Variants in PHYKPL observed in about 807,000 individuals in gnomAD.
PHYKPL encodes the protein 5-phosphohydroxy-L-lysine phospho-lyase.
PHYKPL carries 42 observed loss-of-function variants against 51.3 expected under a neutral mutation model. The ratio of observed to expected loss-of-function variants is 0.82; its 90% CI spans 0.64 to 1.06. The LOEUF (loss-of-function observed/expected upper bound fraction) is 1.06. Ranked by LOEUF, PHYKPL falls within the 50% of genes least tolerant of loss-of-function variation. The pLI is 0.00. For missense variants in PHYKPL, 655 were observed against 586.6 expected, an observed-to-expected ratio of 1.12 and a Z score of -1.20; for synonymous variants, 264 against 236.0, an observed-to-expected ratio of 1.12 and a Z score of -1.09.
chr5:178,210,896 TGCTGCC>T (rs2113649767), intron 12 of PHYKPL: 1 of 509,040 alleles, frequency 2.0e-6, no homozygotes, highest in Admixed American at 3.6e-5. Context: ...CTCTGCTTCC[TGCTGCC>T]GCTCTGCAGC....
intron 6 of PHYKPL, chr5:178,223,490 G>A: frequency 2.2e-6 from 1 of 456,262 alleles, no homozygotes; most frequent in Non-Finnish European, 4.4e-6. Flanking sequence ...TTCTGCATAT[G>A]GCAATGATTT....
At chr5:178,209,475 C>G (rs75426247) in intron 12 of PHYKPL, 8 of 1,578,230 alleles carry the variant, frequency 5.1e-6, no homozygotes, top group Non-Finnish European at 5.2e-6. Flanking sequence ...GAAGATAGGT[C>G]CTGTTTCCCT....
intron 9 of PHYKPL, 54 bp from the exon 10 acceptor site, chr5:178,214,939 C>G: frequency 6.4e-7 from 1 of 1,550,458 alleles, no homozygotes; most frequent in Non-Finnish European, 8.9e-7. Context: ...GGCCAGGGTG[C>G]TGGCCTCAGC....
intron 3 of PHYKPL, among the ~76,000 whole-genome samples, chr5:178,228,866 TA>T (rs1456390753): frequency 6.6e-6 from 1 of 152,196 alleles, no homozygotes; most frequent in Non-Finnish European, 1.5e-5. Flanking sequence ...GTTTCCTGAT[TA>T]AAGCCTCCGA....
intron 12 of PHYKPL, chr5:178,210,700 T>G (rs770486669): frequency 8.5e-7 from 1 of 1,180,366 alleles, no homozygotes; most frequent in South Asian, 1.2e-5. Context: ...TGTACCAAAT[T>G]TAACTTGGCA....
chr5:178,216,102 C>T (rs930616565), intron 8 of PHYKPL: 1 of 152,212 alleles, frequency 6.6e-6, no homozygotes, highest in South Asian at 2.1e-4. Flanking sequence ...TAACCTCCCT[C>T]GCAGTGAAGT....
intron 1 of PHYKPL, 34 bp downstream of exon 1, chr5:178,232,458 C>T (rs183623891): frequency 1.5e-6 from 2 of 1,376,034 alleles, no homozygotes; most frequent in South Asian, 1.6e-5. Context: ...CGCGCAGCCC[C>T]GCGCCCCCCG....
chr5:178,216,443 G>A (rs537221773), intron 8 of PHYKPL: 1 of 152,168 alleles, frequency 6.6e-6, no homozygotes, highest in South Asian at 2.1e-4. Flanking sequence ...CTAATGGTTA[G>A]AGGACCACTA....
Position 178,211,981 on chromosome 5 carries a change from C to T in PHYKPL, c.1304-11G>A, listed in dbSNP as rs1335523427. 2 of 1,614,132 alleles carry T rather than the reference C, an allele frequency of 1.2e-6. No individual in the cohort carries two copies. Among genetic ancestry groups the T allele is most frequent in the African/African-American group, 2.7e-5 (2 of 75,056 alleles). On this transcript the variant is annotated splice_polypyrimidine_tract_variant and intron_variant, in intron 11 of 12. Transcript: ENST00000308158. ...CCTTCTCTTCCATGTCTGAAAAAGA[C>T]CACAAAGCAATGCCGACTCAGTCAC...
At chr5:178,212,264 C>G (rs1758689644) in intron 11 of PHYKPL, among the ~76,000 whole-genome samples, 1 of 152,254 alleles carries the variant, frequency 6.6e-6, no homozygotes, top group Non-Finnish European at 1.5e-5. Flanking sequence ...CAATTTGTGT[C>G]TAGCAGGGAT....
chr5:178,210,821 T>C (rs1758067576), intron 12 of PHYKPL: 3 of 601,512 alleles, frequency 5.0e-6, no homozygotes, highest in Admixed American at 2.8e-5. Context: ...GTGTGGTGTC[T>C]GAGAGGCCAT....
At chr5:178,212,689 A>G (rs1758831381) in intron 11 of PHYKPL, among the ~76,000 whole-genome samples, 1 of 152,220 alleles carries the variant, frequency 6.6e-6, no homozygotes, top group Non-Finnish European at 1.5e-5. Context: ...CCTGTTTCTC[A>G]GGCCCAGTAC....
chr5:178,232,341 C>G (rs1010899792), intron 1 of PHYKPL, 151 bp downstream of exon 1: 1 of 1,275,072 alleles, frequency 7.8e-7, no homozygotes, highest in Non-Finnish European at 9.9e-7. Flanking sequence ...CCTAGAAGCT[C>G]CAGCGGGGCC....
rs918397640 is a variant in PHYKPL, at chr5:178,228,944, G to A, written c.338+996C>T. 2.0e-5 allele frequency among the ~76,000 whole-genome samples: 3 copies of A among 152,060 alleles called. No individual in the cohort carries two copies. In the East Asian group the frequency reaches 5.8e-4, roughly 29 times the overall value. On this transcript the variant is annotated intron_variant, in intron 3 of 12. Transcript: ENST00000308158. ...TGGCGGAGAAGGCCCTAGGTGATGC[G>A]CCCTGCTTGCCTCCCAACAGCTCAC... is the stretch of plus-strand genomic sequence containing the variant.
chr5:178,232,583 A>C lies in PHYKPL; in HGVS notation c.-33T>G. On this transcript the variant is annotated 5_prime_UTR_variant, in exon 1 of 13. Coordinates refer to ENST00000308158, the MANE Select transcript of PHYKPL (RefSeq NM_153373.4). ...GGCCGTCAGTCGGTGCCGTGACGCC[A>C]CGCGGAGACGTCGCCGCGCGGGCTG... The C allele has an allele frequency of 8.1e-7, 1 of 1,239,880 alleles. No individual in the cohort carries two copies. Among genetic ancestry groups the C allele is most frequent in the Non-Finnish European group, 1.0e-6 (1 of 992,196 alleles). 76.8% of individuals were successfully genotyped at this position (1,239,880 alleles called of 1,614,324 possible).
chr5:178,223,670 T>C (rs945521947), intron 6 of PHYKPL: 9 of 348,440 alleles, frequency 2.6e-5, no homozygotes, highest in African/African-American at 1.9e-4. Flanking sequence ...CTGCTAACCT[T>C]TCTGGCCCCA....
intron 1 of PHYKPL, 171 bp downstream of exon 1, chr5:178,232,321 C>T (rs1040202217): frequency 1.6e-6 from 2 of 1,265,470 alleles, no homozygotes; most frequent in South Asian, 2.7e-5. Flanking sequence ...CGGCGCCGCC[C>T]GCCTCGGGCC....
chr5:178,231,579 C>G, intron 1 of PHYKPL, 56 bp from the exon 2 acceptor site: 2 of 1,612,998 alleles, frequency 1.2e-6, no homozygotes, highest in South Asian at 1.1e-5. Flanking sequence ...AGGGTGAAGT[C>G]TACTCATCGC....
At chr5:178,209,501 T>TCCAAG (rs1757515167) in intron 12 of PHYKPL, 1 of 1,475,848 alleles carries the variant, frequency 6.8e-7, no homozygotes, top group Non-Finnish European at 9.5e-7. Flanking sequence ...CATGGAGCCT[T>TCCAAG]CCAAGCCTGT....
Sources: gnomAD v4.1 joint callset for allele counts (sites outside exome capture counted in the v4.1 genomes callset) on GRCh38, gnomAD v4.1.1 for gene constraint, MANE v1.5 for transcripts, NCBI Gene and HGNC (gene_info 2026-07-23, HGNC 2026-07-21) for gene names.